Variants in ASIP observed in about 807,000 individuals in gnomAD.
ASIP encodes the protein agouti signaling protein.
ASIP carries 11 observed loss-of-function variants against 10.3 expected under a neutral mutation model. That is an observed-to-expected ratio of 1.07 (90% CI 0.68 to 1.78). ASIP has a LOEUF of 1.78. Ranked by LOEUF, ASIP falls within the 40% of genes most tolerant of loss-of-function variation. The pLI is 0.00. For missense variants in ASIP, 180 were observed against 169.2 expected (o/e 1.06, Z -0.35); for synonymous variants, 70 against 70.8 (o/e 0.99, Z 0.06).
intron 1 of ASIP, among the ~76,000 whole-genome samples, chr20:34,259,686 G>A (rs1225104311): frequency 1.3e-5 from 2 of 151,782 alleles, no homozygotes; most frequent in African/African-American, 4.8e-5. Flanking sequence ...GGAGGTGGAG[G>A]TTGCAGTGAG....
chr20:34,254,487 A>G (rs1367623703), intron 1 of ASIP, among the ~76,000 whole-genome samples: 1 of 152,250 alleles, frequency 6.6e-6, no homozygotes, highest in Non-Finnish European at 1.5e-5. Flanking sequence ...CCTGAAAAGT[A>G]TAAGGTTTTG....
At chr20:34,200,978 TTCCTTCCTTCCTTCC>T in intron 1 of ASIP, among the ~76,000 whole-genome samples, 1 of 45,056 alleles carries the variant, frequency 2.2e-5, no homozygotes. Context: ...CTTTCCTTCC[TTCCTTCCTTCCTTCC>T]TTCCTTCCTT....
chr20:34,222,510 A>C (rs1404739855), intron 1 of ASIP, among the ~76,000 whole-genome samples: 3 of 152,188 alleles, frequency 2.0e-5, no homozygotes, highest in Non-Finnish European at 4.4e-5. Context: ...CATGCAGAGA[A>C]ACTTGTAAAA....
intron 1 of ASIP, chr20:34,214,021 G>A: frequency 1.4e-6 from 2 of 1,464,118 alleles, no homozygotes; most frequent in Non-Finnish European, 9.4e-7. Flanking sequence ...CCTCATTAAG[G>A]CTTCTTTCCT....
chr20:34,259,342 G>A (rs1466000993), intron 1 of ASIP, among the ~76,000 whole-genome samples: 3 of 151,846 alleles, frequency 2.0e-5, no homozygotes, highest in East Asian at 1.9e-4. Flanking sequence ...GTGAAATCCC[G>A]TCTTTACTAA....
At chr20:34,208,070 C>T (rs2034949178) in intron 1 of ASIP, among the ~76,000 whole-genome samples, 1 of 152,184 alleles carries the variant, frequency 6.6e-6, no homozygotes, top group South Asian at 2.1e-4. Context: ...AGCCACCACA[C>T]CCGGCCTCCA....
chr20:34,254,861 T>C (rs2035541798), intron 1 of ASIP, among the ~76,000 whole-genome samples: 1 of 152,138 alleles, frequency 6.6e-6, no homozygotes, highest in Admixed American at 6.5e-5. Flanking sequence ...GTCTTTAACT[T>C]TCTCCCTATT....
chr20:34,214,841 C>T (rs2034997133), intron 1 of ASIP: 1 of 1,603,068 alleles, frequency 6.2e-7, no homozygotes, highest in South Asian at 1.1e-5. Flanking sequence ...GAAGAAATAT[C>T]ATCATCCTCA....
intron 1 of ASIP, among the ~76,000 whole-genome samples, chr20:34,223,387 C>G (rs1193382604): frequency 6.6e-6 from 1 of 151,446 alleles, no homozygotes; most frequent in Non-Finnish European, 1.5e-5. Context: ...AGACCCTCTG[C>G]CTGGCAACCG....
rs1358934988 is a variant in ASIP at position 34,230,697 on chromosome 20, AGGGGC to A, written c.-10-29665_-10-29661del. Reference sequence around the variant, plus strand: ...GCAGAGGCACCCCTCACCTCCCGGAAGGGGCGGCTGGCCGGGCGGGGGGCTGACCC... The same window carrying A: ...GCAGAGGCACCCCTCACCTCCCGGAAGGCTGGCCGGGCGGGGGGCTGACCC... On this transcript the variant is annotated intron_variant, in intron 1 of 3. Transcript: ENST00000568305. Among the ~76,000 whole-genome samples, 3 of 17,662 alleles carry A rather than the reference AGGGGC, an allele frequency of 1.7e-4. 1 individual carries two copies. Among genetic ancestry groups the A allele is most frequent in the African/African-American group, 1.1e-3 (2 of 1,780 alleles). The allele number at this position is 17,662 out of a possible 152,430, so 11.6% of individuals were successfully genotyped here.
chr20:34,191,764 T>C (rs1173830458), upstream of ASIP, among the ~76,000 whole-genome samples: 1 of 144,744 alleles, frequency 6.9e-6, no homozygotes, highest in Non-Finnish European at 1.5e-5. Flanking sequence ...AGTTTCACTC[T>C]TGCTATCCAG....
chr20:34,236,264 G>C (rs1464057037), intron 1 of ASIP, among the ~76,000 whole-genome samples: 1 of 152,224 alleles, frequency 6.6e-6, no homozygotes, highest in Non-Finnish European at 1.5e-5. Context: ...CCATGGCTGG[G>C]CGCAGTGGCT....
chr20:34,216,554 G>C (rs781232693), intron 1 of ASIP, among the ~76,000 whole-genome samples: 2 of 152,076 alleles, frequency 1.3e-5, no homozygotes, highest in Non-Finnish European at 2.9e-5. Flanking sequence ...AAGTTTTATG[G>C]TTCTAGTTTT....
intron 1 of ASIP, among the ~76,000 whole-genome samples, chr20:34,211,656 A>G (rs2034975207): frequency 6.6e-6 from 1 of 152,290 alleles, no homozygotes; most frequent in South Asian, 2.1e-4. Flanking sequence ...TTTACGAAAA[A>G]ATGTTTTTGC....
chr20:34,261,460 C>A (rs1335026355), intron 2 of ASIP, among the ~76,000 whole-genome samples: 1 of 152,192 alleles, frequency 6.6e-6, no homozygotes, highest in Admixed American at 6.5e-5. Context: ...AGGGTGAAAC[C>A]CCGTCCCTAT....
At chr20:34,246,220 C>CT (rs948839657) in intron 1 of ASIP, 5 of 1,492,898 alleles carry the variant, frequency 3.3e-6, no homozygotes, top group East Asian at 2.4e-5. Flanking sequence ...GTATGGTCTT[C>CT]TTTTTTTGTT....
chr20:34,205,829 G>A (rs1026454019), intron 1 of ASIP, among the ~76,000 whole-genome samples: 13 of 150,940 alleles, frequency 8.6e-5, no homozygotes, highest in Non-Finnish European at 7.4e-5. Flanking sequence ...GACACAGAGC[G>A]CTGATTGGTG....
At chr20:34,257,070 C>CTTTTTTTTTTTTTTTTTTTT (rs56227909) in intron 1 of ASIP, among the ~76,000 whole-genome samples, 5 of 139,420 alleles carry the variant, frequency 3.6e-5, no homozygotes, top group Admixed American at 7.2e-5. Context: ...CTTTCTTTCT[C>CTTTTTTTTTTTTTTTTTTTT]TTTTTTTTTT....
At chr20:34,261,327 C>T (rs11907941) in intron 2 of ASIP, among the ~76,000 whole-genome samples, 13,575 of 152,018 alleles carry the variant, frequency 0.089, 2,005 homozygotes, top group African/African-American at 0.31. Context: ...AGGGAGACCC[C>T]GTCTCTACAG....
Sources: allele counts gnomAD v4.1 joint callset (sites outside exome capture counted in the v4.1 genomes callset), GRCh38; gene constraint gnomAD v4.1.1; transcripts MANE v1.5; gene names NCBI Gene and HGNC (gene_info 2026-07-23, HGNC 2026-07-21).